Variants in SMN1 observed in about 807,000 individuals in gnomAD.
SMN1 encodes survival motor neuron protein.
For missense variants in SMN1, 15 were observed against 17.1 expected (o/e 0.88, Z 0.22); for synonymous variants, 3 against 5.1 (o/e 0.58, Z 0.56).
At chr5:70,952,092 TAAA>T in intron 8 of SMN1, 98 bp downstream of exon 8, 1 of 1,593,130 alleles carries the variant, frequency 6.3e-7, no homozygotes. Flanking sequence ...GTTCAGATGT[TAAA>T]AAGTTGAAAG....
At chr5:70,956,620 A>G (rs1749911206), downstream of SMN1, among the ~76,000 whole-genome samples, 1 of 149,320 alleles carries the variant, frequency 6.7e-6, no homozygotes, top group African/African-American at 2.4e-5. Context: ...AAGATCAGAT[A>G]GTTGTAGATA....
At chr5:70,959,103 G>A in the SMN1 span, among the ~76,000 whole-genome samples, 1 of 150,248 alleles carries the variant, frequency 6.7e-6, no homozygotes, top group Admixed American at 6.7e-5. Context: ...CATGTCCTTT[G>A]TAGGGACATG....
At chr5:70,960,151 T>C in the SMN1 span, among the ~76,000 whole-genome samples, 2 of 150,760 alleles carry the variant, frequency 1.3e-5, 1 homozygote, top group Non-Finnish European at 3.0e-5. Flanking sequence ...TTTCATGTGT[T>C]TAAGAACTTT....
At chr5:70,954,725 C>T (rs1357659660), downstream of SMN1, among the ~76,000 whole-genome samples, 34 of 42,492 alleles carry the variant, frequency 8.0e-4, 12 homozygotes, top group Admixed American at 4.0e-4. Context: ...TGGTGGCACG[C>T]GCCTGTAGTC....
At chr5:70,957,590 T>G (rs1302920193), downstream of SMN1, among the ~76,000 whole-genome samples, 21 of 144,190 alleles carry the variant, frequency 1.5e-4, no homozygotes, top group Non-Finnish European at 3.1e-5. Context: ...GGTTTTTGTC[T>G]TTGGTTCTGT....
chr5:70,955,592 C>G (rs1484485794), downstream of SMN1, among the ~76,000 whole-genome samples: 2 of 141,562 alleles, frequency 1.4e-5, no homozygotes, highest in Admixed American at 1.4e-4. Context: ...CAGCCTGGCC[C>G]AACATGGTGA....
rs1402093628 is a variant in SMN1, at chr5:70,950,080, A to T, written c.835-1861A>T. Among the ~76,000 whole-genome samples the T allele has an allele frequency of 4.8e-5, 7 of 145,546 alleles. 1 individual carries two copies. The highest frequency in any genetic ancestry group is 9.0e-5 in the Non-Finnish European group (6 of 66,642). On this transcript the variant is annotated intron_variant, in intron 7 of 8. Transcript: ENST00000380707. ...CAAAACTCCATCTCAAAAAAAAAAA[A>T]ATAAGGTATAAGCGGGCTCAGGAAC...
chr5:70,963,565 A>T, the SMN1 span, among the ~76,000 whole-genome samples: 1 of 118,852 alleles, frequency 8.4e-6, no homozygotes, highest in Admixed American at 8.9e-5. Context: ...TGTGTCTGCT[A>T]CCCCTTCACC....
chr5:70,960,182 C>T, the SMN1 span, among the ~76,000 whole-genome samples: 2 of 150,614 alleles, frequency 1.3e-5, no homozygotes, highest in African/African-American at 4.9e-5. Flanking sequence ...TTGTTTATAT[C>T]GTCTTCCCAT....
chr5:70,963,878 CTTTTTTTT>C, the SMN1 span, among the ~76,000 whole-genome samples: 3 of 69,292 alleles, frequency 4.3e-5, no homozygotes, highest in African/African-American at 5.7e-5. Context: ...AAGTTTCAAA[CTTTTTTTT>C]TTTTTTTTTT....
At chr5:70,945,535 C>T (rs1341539306) in intron 6 of SMN1, among the ~76,000 whole-genome samples, 2 of 96,236 alleles carry the variant, frequency 2.1e-5, no homozygotes, top group Non-Finnish European at 4.0e-5. Flanking sequence ...CTACCCAAGA[C>T]ATTTACTTAA....
intron 7 of SMN1, among the ~76,000 whole-genome samples, chr5:70,950,943 C>A (rs1245407621): frequency 1.3e-5 from 2 of 151,516 alleles, no homozygotes; most frequent in Non-Finnish European, 2.9e-5. Context: ...CCGGCCTAGT[C>A]TTGTATTTTT....
intron 7 of SMN1, among the ~76,000 whole-genome samples, chr5:70,951,269 TTTTA>T (rs1267810562): frequency 6.7e-6 from 1 of 149,882 alleles, no homozygotes; most frequent in Non-Finnish European, 1.5e-5. Context: ...TAATTTTTAT[TTTTA>T]TTTATTTATT....
At chr5:70,952,039 C>T (rs1749779046) in intron 8 of SMN1, 45 bp downstream of exon 8, 2 of 1,608,814 alleles carry the variant, frequency 1.2e-6, no homozygotes, top group Non-Finnish European at 8.5e-7. Context: ...TTTTGTAAAA[C>T]TTTATGGTTT....
At chr5:70,957,267 G>C (rs1445789012), downstream of SMN1, among the ~76,000 whole-genome samples, 1 of 80,954 alleles carries the variant, frequency 1.2e-5, no homozygotes, top group East Asian at 3.8e-4. Context: ...TGCAAACAGG[G>C]ACAATTTGGC....
intron 7 of SMN1, among the ~76,000 whole-genome samples, chr5:70,950,116 A>T (rs942504867): frequency 6.8e-6 from 1 of 147,974 alleles, no homozygotes; most frequent in African/African-American, 2.5e-5. Context: ...ATCATTGGAC[A>T]TACTGAAAGA....
At chr5:70,955,574 T>C (rs1373033765), downstream of SMN1, among the ~76,000 whole-genome samples, 1 of 142,302 alleles carries the variant, frequency 7.0e-6, no homozygotes, top group Non-Finnish European at 1.5e-5. Context: ...AGGTCGGTAG[T>C]TCGAGACCAG....
chr5:70,959,328 G>A, the SMN1 span, among the ~76,000 whole-genome samples: 1 of 149,888 alleles, frequency 6.7e-6, no homozygotes, highest in Non-Finnish European at 1.5e-5. Context: ...AATGGGTGCA[G>A]CACACCAGCA....
At chr5:70,950,931 G>C (rs1379169996) in intron 7 of SMN1, among the ~76,000 whole-genome samples, 3 of 151,332 alleles carry the variant, frequency 2.0e-5, no homozygotes, top group Non-Finnish European at 4.4e-5. Flanking sequence ...GAGCCACTGT[G>C]CCCGGCCTAG....
Sources: allele counts gnomAD v4.1 joint callset (sites outside exome capture counted in the v4.1 genomes callset), GRCh38; gene constraint gnomAD v4.1.1; transcripts MANE v1.5; gene names NCBI Gene and HGNC (gene_info 2026-07-23, HGNC 2026-07-21).